Variants in MAGI1 observed in about 807,000 individuals in gnomAD.
MAGI1 encodes the protein membrane-associated guanylate kinase, WW and PDZ domain-containing protein 1.
In MAGI1, 58 loss-of-function variants were observed where a neutral mutation model predicts 139.9. The ratio of observed to expected loss-of-function variants is 0.41; its 90% CI spans 0.34 to 0.52. MAGI1 has a LOEUF of 0.52. Ranked by LOEUF, MAGI1 falls within the 20% of genes least tolerant of loss-of-function variation. The probability of loss-of-function intolerance (pLI) is 0.12; values close to 1 mark genes in which losing one functional copy is unlikely to be tolerated. For synonymous variants in MAGI1, 812 were observed against 737.9 expected (o/e 1.10, Z -1.63); for missense variants, 1,874 against 1,901.6 (o/e 0.99, Z 0.27).
intron 1 of MAGI1, among the ~76,000 whole-genome samples, chr3:65,903,783 G>A (rs1425105910): frequency 5.3e-5 from 8 of 152,108 alleles, no homozygotes; most frequent in Non-Finnish European, 1.2e-4. Flanking sequence ...CGAGGTGGGA[G>A]GATCACCTGA....
intron 2 of MAGI1, among the ~76,000 whole-genome samples, chr3:65,499,261 A>G (rs189589917): frequency 5.1e-4 from 78 of 152,342 alleles, no homozygotes; most frequent in Non-Finnish European, 8.5e-4. Context: ...AGACACAGAA[A>G]AAATGAGTGT....
intron 1 of MAGI1, among the ~76,000 whole-genome samples, chr3:65,784,454 AC>A (rs1235014238): frequency 2.6e-5 from 4 of 152,022 alleles, no homozygotes; most frequent in Admixed American, 2.6e-4. Flanking sequence ...GCGTTGGCTC[AC>A]GCCTGTAATC....
At chr3:65,486,480 G>GA (rs1169395123) in intron 3 of MAGI1, among the ~76,000 whole-genome samples, 8 of 149,904 alleles carry the variant, frequency 5.3e-5, no homozygotes, top group Non-Finnish European at 1.0e-4. Flanking sequence ...AATGTCAACA[G>GA]AAAAAAAAAG....
At chr3:65,367,482 G>A (rs550318620) in intron 18 of MAGI1, among the ~76,000 whole-genome samples, 5 of 152,028 alleles carry the variant, frequency 3.3e-5, no homozygotes, top group Admixed American at 6.5e-5. Flanking sequence ...TGGAAATGTC[G>A]ATTTGACCTT....
At chr3:65,893,454 A>G (rs763525402) in intron 1 of MAGI1, among the ~76,000 whole-genome samples, 3 of 152,178 alleles carry the variant, frequency 2.0e-5, no homozygotes, top group Non-Finnish European at 4.4e-5. Flanking sequence ...AAGTTTCTTC[A>G]TGCATTCTCA....
chr3:65,763,120 G>T (rs1408092663), intron 1 of MAGI1, among the ~76,000 whole-genome samples: 3 of 152,132 alleles, frequency 2.0e-5, no homozygotes, highest in African/African-American at 7.2e-5. Flanking sequence ...AAACCCCCAT[G>T]TGCAAGTATC....
Position 65,750,622 on chromosome 3 carries a change from C to T in MAGI1, c.314-128534G>A, listed in dbSNP as rs553616070. Among the ~76,000 whole-genome samples the T allele has an allele frequency of 1.4e-3, 219 of 152,250 alleles. 1 individual carries two copies. Among genetic ancestry groups the T allele is most frequent in the African/African-American group, 4.9e-3 (204 of 41,534 alleles). ...TTTGCTGTGTAAATCAGAAGTTCTC[C>T]AAAGCAGTCAACGAATAGCCTACAT... is the stretch of plus-strand genomic sequence containing the variant. On this transcript the variant is annotated intron_variant, in intron 1 of 22. Transcript: ENST00000402939.
At chr3:65,814,787 G>C (rs971169482) in intron 1 of MAGI1, among the ~76,000 whole-genome samples, 2 of 152,098 alleles carry the variant, frequency 1.3e-5, no homozygotes, top group African/African-American at 4.8e-5. Flanking sequence ...CAATAATTCA[G>C]ATTTCAATTC....
intron 4 of MAGI1, among the ~76,000 whole-genome samples, chr3:65,475,247 T>C (rs1358809924): frequency 6.6e-6 from 1 of 152,182 alleles, no homozygotes; most frequent in African/African-American, 2.4e-5. Context: ...GGAGTTTCAC[T>C]CTGTCACCCA....
intron 1 of MAGI1, among the ~76,000 whole-genome samples, chr3:66,034,784 T>A (rs1359036031): frequency 6.6e-6 from 1 of 151,946 alleles, no homozygotes; most frequent in Admixed American, 6.6e-5. Flanking sequence ...CAAAACGAAA[T>A]CTCCAAAATA....
intron 1 of MAGI1, among the ~76,000 whole-genome samples, chr3:65,928,295 A>G (rs1428847618): frequency 6.6e-6 from 1 of 152,206 alleles, no homozygotes; most frequent in Non-Finnish European, 1.5e-5. Flanking sequence ...GGAAATTGGC[A>G]AACACTACAA....
chr3:65,918,509 T>C (rs1462981141), intron 1 of MAGI1, among the ~76,000 whole-genome samples: 1 of 151,482 alleles, frequency 6.6e-6, no homozygotes, highest in Non-Finnish European at 1.5e-5. Flanking sequence ...GCCTCTCGAG[T>C]AGCTGGGATT....
At chr3:65,871,372 T>C (rs1463105382) in intron 1 of MAGI1, among the ~76,000 whole-genome samples, 1 of 152,224 alleles carries the variant, frequency 6.6e-6, no homozygotes. Context: ...TCTTTCTTCA[T>C]GCACCTGTGT....
chr3:65,895,250 C>T (rs1024076815), intron 1 of MAGI1, among the ~76,000 whole-genome samples: 1 of 152,182 alleles, frequency 6.6e-6, no homozygotes, highest in South Asian at 2.1e-4. Context: ...CACTTGTTCC[C>T]TAGACGGGTT....
chr3:65,370,939 G>C (rs113824459), intron 18 of MAGI1, among the ~76,000 whole-genome samples: 1 of 152,236 alleles, frequency 6.6e-6, no homozygotes, highest in African/African-American at 2.4e-5. Context: ...TTACAGGCGT[G>C]TGCCACTGCA....
chr3:65,562,831 T>C (rs924592661), intron 2 of MAGI1, among the ~76,000 whole-genome samples: 3 of 152,254 alleles, frequency 2.0e-5, no homozygotes, highest in Non-Finnish European at 4.4e-5. Flanking sequence ...AAATTATTCA[T>C]ATGTATTTAA....
In MAGI1 at chr3:65,493,493, T is replaced by C. The variant is rs757688623; in HGVS notation, c.550+19A>G. ...TACCCAGGAGAGAAGCTTTTTATGC[T>C]GTCGTACAAGTAACTCACCTTCATA... On this transcript the variant is annotated intron_variant, in intron 3 of 22. Coordinates refer to ENST00000402939, the MANE Select transcript of MAGI1 (RefSeq NM_001033057.2). The C allele has an allele frequency of 4.3e-6, 7 of 1,613,996 alleles. No individual in the cohort carries two copies. The South Asian group carries it at 5.5e-5, about 13-fold the overall frequency.
At chr3:66,037,757 G>GCCT (rs1015663066) in intron 1 of MAGI1, among the ~76,000 whole-genome samples, 2 of 152,128 alleles carry the variant, frequency 1.3e-5, no homozygotes, top group Non-Finnish European at 2.9e-5. Flanking sequence ...GGCCAGCCAG[G>GCCT]CCTGAGAAAC....
At position 65,429,838 on chromosome 3, in the gene MAGI1, C is replaced by A; in HGVS notation, c.1849G>T (p.Ala617Ser). 2 of 1,613,982 alleles carry A rather than the reference C, an allele frequency of 1.2e-6. No individual in the cohort carries two copies. Among genetic ancestry groups the A allele is most frequent in the African/African-American group, 1.3e-5 (1 of 75,036 alleles). The change falls in exon 12 of 23, where the codon GCT (alanine) becomes TCT (serine). Residue 617 changes from alanine (A) to serine (S), a missense_variant. Ala to Ser is a moderately conservative substitution (Grantham distance 99). Transcript: ENST00000402939. ...DARPSSPADVASNSSHGYPND... is the reference protein window; with the variant it reads ...DARPSSPADVSSNSSHGYPND... ...GGATAACCATGAGAACTATTTGAAG[C>A]CACGTCCGCTGGGCTGCTTGGCCTG...
Sources: gnomAD v4.1 joint callset for allele counts (sites outside exome capture counted in the v4.1 genomes callset) on GRCh38, gnomAD v4.1.1 for gene constraint, MANE v1.5 for transcripts, NCBI Gene and HGNC (gene_info 2026-07-23, HGNC 2026-07-21) for gene names.